SLC25A6: variants seen among roughly 807,000 people sequenced by gnomAD.
SLC25A6 encodes the protein solute carrier family 25 member 6, also known as ADP/ATP translocase 3.
SLC25A6 carries 9 observed loss-of-function variants against 25.7 expected under a neutral mutation model. That is an observed-to-expected ratio of 0.35 (90% CI 0.21 to 0.61). The LOEUF is 0.61. SLC25A6 is among the 20% of genes least tolerant of loss of function. The pLI is 0.76. For missense variants in SLC25A6, 404 were observed against 440.5 expected (o/e 0.92, Z 0.74); for synonymous variants, 223 against 197.0 (o/e 1.13, Z -1.11).
At position 1,386,790 on chromosome X, in the gene SLC25A6, G is replaced by A. The variant is rs780678035; in HGVS notation, c.740-31C>T. 1.9e-5 allele frequency: 31 copies of A among 1,592,920 alleles called. No individual in the cohort carries two copies. In the East Asian group the frequency reaches 2.2e-4, roughly 12 times the overall value. On this transcript the variant is annotated intron_variant, in intron 3 of 3. Transcript: ENST00000381401. ...ACGACAGGGAGACAGTGAGGGCCTC[G>A]CCGCCAAGCTCTTCAAGACACGGAC...
At chrX:1,389,003 G>A (rs2089364919) in intron 2 of SLC25A6, among the ~76,000 whole-genome samples, 1 of 151,566 alleles carries the variant, frequency 6.6e-6, no homozygotes, top group Non-Finnish European at 1.5e-5. Context: ...TTCTGTGATA[G>A]CAGCCTGAAA....
At chrX:1,386,783 G>C in intron 3 of SLC25A6, 24 bp from the exon 4 acceptor site, 1 of 1,594,856 alleles carries the variant, frequency 6.3e-7, no homozygotes, top group East Asian at 2.2e-5. Context: ...GAGACAGTGA[G>C]GGCCTCGCCG....
chrX:1,390,219 A>C (rs1269016341), intron 1 of SLC25A6: 4 of 171,874 alleles, frequency 2.3e-5, no homozygotes, highest in Non-Finnish European at 3.8e-5. Flanking sequence ...TGCTACGATG[A>C]CCAAGCTGCT....
At chrX:1,389,181 T>C (rs757985716) in intron 2 of SLC25A6, 60 bp downstream of exon 2, 101 of 1,564,090 alleles carry the variant, frequency 6.5e-5, no homozygotes, top group Non-Finnish European at 8.4e-5. Flanking sequence ...CACAGGACCC[T>C]GGGGGAACGT....
At position 1,386,641 on chromosome X, in the gene SLC25A6, G is replaced by A. The variant is rs763935099; in HGVS notation, c.858C>T (p.Phe286=). The change falls in exon 4 of 4, where the codon TTC becomes TTT. Residue 286 remains phenylalanine (F), a synonymous_variant. Transcript: ENST00000381401. ...SNVLRGMGGA[F]VLVLYDELKK... ...TGAGCTCGTCGTACAGGACCAGCACGAAGGCGCCCCCCATGCCCCGCAGGA... is the reference window on the plus strand; with the variant it reads ...TGAGCTCGTCGTACAGGACCAGCACAAAGGCGCCCCCCATGCCCCGCAGGA... 61 of 1,597,886 alleles carry A rather than the reference G, an allele frequency of 3.8e-5. No homozygotes were observed. The Admixed American group carries it at 4.1e-4, about 11-fold the overall frequency.
intron 1 of SLC25A6, among the ~76,000 whole-genome samples, chrX:1,391,198 C>A (rs1248444938): frequency 1.3e-5 from 2 of 152,076 alleles, no homozygotes; most frequent in Admixed American, 6.6e-5. Context: ...CTCCTGGCCT[C>A]AAGCAATACT....
chrX:1,391,344 C>T (rs1412723968), intron 1 of SLC25A6, among the ~76,000 whole-genome samples: 6 of 152,198 alleles, frequency 3.9e-5, no homozygotes, highest in African/African-American at 1.2e-4. Flanking sequence ...TCCTAGGCAT[C>T]ATGCTACTTT....
chrX:1,386,603 T>C lies in SLC25A6; in HGVS notation c.896A>G (p.Ter299=), dbSNP rs748405742. ...TGTGTGTGGAGGAGGCCGCGGCCCTTAGATCACCTTCTTGAGCTCGTCGTA... is the reference window on the plus strand; with the variant it reads ...TGTGTGTGGAGGAGGCCGCGGCCCTCAGATCACCTTCTTGAGCTCGTCGTA... The part of the protein sequence containing the change: ...VLYDELKKVI[*] The change falls in exon 4 of 4, where the codon TAA becomes TGA. Residue 299 remains the stop codon, a stop_retained_variant. Transcript: ENST00000381401. The C allele has an allele frequency of 4.5e-6, 7 of 1,558,420 alleles. No homozygotes were observed. The South Asian group carries it at 7.3e-5, about 16-fold the overall frequency.
At position 1,389,609 on chromosome X, in the gene SLC25A6, T is replaced by C; in HGVS notation, c.230A>G (p.Asn77Ser). 4 of 1,614,132 alleles carry C rather than the reference T, an allele frequency of 2.5e-6. No individual in the cohort carries two copies. The highest frequency in any genetic ancestry group is 2.2e-5 in the East Asian group (1 of 44,880). ...TTGAGTGGGGAAGTAGCGAATGACG[T>C]TGGCAAGGTTGCCCCTCCAGAAGGA... ...VLSFWRGNLANVIRYFPTQAL... is the reference protein window; with the variant it reads ...VLSFWRGNLASVIRYFPTQAL... Residue 77 changes from asparagine to serine, a missense_variant, in exon 2 of 4, where the codon AAC becomes AGC. Asn to Ser is a conservative substitution (Grantham distance 46, BLOSUM62 1). Coordinates refer to ENST00000381401, the MANE Select transcript of SLC25A6 (RefSeq NM_001636.4).
chrX:1,389,550 G>C lies in SLC25A6; in HGVS notation c.289C>G (p.Gln97Glu), dbSNP rs1365507291. Residue 97 changes from glutamine (Q) to glutamate (E), a missense_variant, in exon 2 of 4, where the codon CAG (glutamine) becomes GAG (glutamate). Gln to Glu is a conservative substitution (Grantham distance 29, BLOSUM62 2). Transcript: ENST00000381401. ...LNFAFKDKYK[Q>E]IFLGGVDKHT... ...TTGTCCACGCCCCCCAGGAAGATCT[G>C]CTTGTACTTATCCTTGAAGGCGAAG... The C allele has an allele frequency of 6.2e-7, 1 of 1,614,206 alleles. No homozygotes were observed. Among genetic ancestry groups the C allele is most frequent in the African/African-American group, 1.3e-5 (1 of 75,058 alleles).
intron 3 of SLC25A6, among the ~76,000 whole-genome samples, chrX:1,387,045 G>T (rs768991250): frequency 1.3e-5 from 2 of 152,152 alleles, no homozygotes; most frequent in African/African-American, 4.8e-5. Context: ...TGCAACCAGA[G>T]GTTCTAGGAG....
chrX:1,386,737 G>A lies in SLC25A6; in HGVS notation c.762C>T (p.Thr254=), dbSNP rs149117617. ...RKGADIMYTG[T]VDCWRKIFRD... ...TGAAGATCTTCCTCCAACAGTCGAC[G>A]GTGCCCGTGTACATGATGTCAGCTG... Residue 254 remains threonine, a synonymous_variant, in exon 4 of 4, where the codon ACC becomes ACT. Coordinates refer to ENST00000381401, the MANE Select transcript of SLC25A6 (RefSeq NM_001636.4). 5,187 of 1,610,794 alleles carry A rather than the reference G, an allele frequency of 3.2e-3. 10 individuals carry two copies. Among genetic ancestry groups the A allele is most frequent in the Non-Finnish European group, 4.0e-3 (4,714 of 1,178,222 alleles).
Position 1,386,514 on chromosome X carries a change from G to A in SLC25A6, c.*88C>T, listed in dbSNP as rs1172451845. The A allele has an allele frequency of 1.2e-5, 16 of 1,340,842 alleles. No homozygotes were observed. The South Asian group carries it at 1.4e-4, about 12-fold the overall frequency. 83.1% of individuals were successfully genotyped at this position (1,340,842 alleles called of 1,614,324 possible). A position where few individuals can be genotyped will look rare whatever the true frequency, so the allele number is the denominator to read the frequency against. On this transcript the variant is annotated 3_prime_UTR_variant, in exon 4 of 4. Transcript: ENST00000381401. Reference sequence around the variant, plus strand: ...GGGAAAAAGACAACTGGAATTTCTCGAAGGTTGATGGTCCGCACGGTTGAG... The same window carrying A: ...GGGAAAAAGACAACTGGAATTTCTCAAAGGTTGATGGTCCGCACGGTTGAG...
chrX:1,389,214 G>A (rs2089368375), intron 2 of SLC25A6, 27 bp downstream of exon 2: 2 of 1,602,202 alleles, frequency 1.2e-6, no homozygotes. Flanking sequence ...CCCGTCTCTG[G>A]GACTTCGCGA....
At position 1,389,539 on chromosome X, in the gene SLC25A6, C is replaced by G. The variant is rs1361993657; in HGVS notation, c.300G>C (p.Leu100=). The G allele has an allele frequency of 1.2e-6, 2 of 1,614,230 alleles. No homozygotes were observed. Among genetic ancestry groups the G allele is most frequent in the South Asian group, 1.1e-5 (1 of 91,090 alleles). The change falls in exon 2 of 4, where the codon CTG becomes CTC. Residue 100 remains leucine, a synonymous_variant. Transcript: ENST00000381401. The stretch of plus-strand genomic sequence containing the variant: ...ACTGCGTGTGCTTGTCCACGCCCCC[C>G]AGGAAGATCTGCTTGTACTTATCCT... The part of the protein sequence containing the change: ...AFKDKYKQIF[L]GGVDKHTQFW...
At chrX:1,387,545 C>G in intron 2 of SLC25A6, 126 bp from the exon 3 acceptor site, 3 of 1,364,886 alleles carry the variant, frequency 2.2e-6, no homozygotes, top group South Asian at 2.6e-5. Flanking sequence ...ACCAGTGCCC[C>G]CTCCACGTGG....
intron 1 of SLC25A6, 72 bp from the exon 2 acceptor site, chrX:1,389,799 ATCCTTTT>A: frequency 6.4e-7 from 1 of 1,566,982 alleles, no homozygotes. Flanking sequence ...TACAGGGTGC[ATCCTTTT>A]TTTGACACAA....
In SLC25A6 at chrX:1,392,051, C is replaced by G. The variant is rs760855646; in HGVS notation, c.-42G>C. ...GCGGAACGGGAGGACAGCCGGAGAA[C>G]GGGCGCGGAGAGTGAATGGAGGGCG... On this transcript the variant is annotated 5_prime_UTR_variant, in exon 1 of 4. Transcript: ENST00000381401. 7 of 1,488,242 alleles carry G rather than the reference C, an allele frequency of 4.7e-6. No homozygotes were observed. In the African/African-American group the frequency reaches 8.3e-5, roughly 18 times the overall value. The allele number at this position is 1,488,242 out of a possible 1,614,324, so 92.2% of individuals were successfully genotyped here.
In SLC25A6 at chrX:1,389,390, G is replaced by T; in HGVS notation, c.449C>A (p.Thr150Lys). ...RLAADVGKSG[T>K]EREFRGLGDC... Reference sequence around the variant, plus strand: ...TCCCAGGCCTCGGAACTCGCGCTCTGTGCCTGACTTTCCCACGTCCGCTGC... The same window carrying T: ...TCCCAGGCCTCGGAACTCGCGCTCTTTGCCTGACTTTCCCACGTCCGCTGC... Residue 150 changes from threonine (T) to lysine (K), a missense_variant, in exon 2 of 4, where the codon ACA becomes AAA. Transcript: ENST00000381401. 5 of 1,613,774 alleles carry T rather than the reference G, an allele frequency of 3.1e-6. No individual in the cohort carries two copies. The East Asian group carries it at 1.1e-4, about 36-fold the overall frequency.
Sources: allele counts gnomAD v4.1 joint callset (sites outside exome capture counted in the v4.1 genomes callset), GRCh38; gene constraint gnomAD v4.1.1; transcripts MANE v1.5; gene names NCBI Gene and HGNC (gene_info 2026-07-23, HGNC 2026-07-21).